The following SLC39A10 variants were observed in gnomAD, a reference collection of about 807,000 sequenced individuals.
SLC39A10 encodes solute carrier family 39 member 10.
In SLC39A10, 13 loss-of-function variants were observed where a neutral mutation model predicts 65.1. The ratio of observed to expected loss-of-function variants is 0.20; its 90% confidence interval spans 0.13 to 0.32. The LOEUF (loss-of-function observed/expected upper bound fraction) is 0.32. Ranked by LOEUF, SLC39A10 falls within the 10% of genes least tolerant of loss-of-function variation. The pLI is 1.00. For missense variants in SLC39A10, 831 were observed against 1,018.4 expected, an observed-to-expected ratio of 0.82 and a Z score of 2.50; for synonymous variants, 321 against 342.2, an observed-to-expected ratio of 0.94 and a Z score of 0.68.
At chr2:195,729,741 A>G (rs370167001) in intron 9 of SLC39A10, among the ~76,000 whole-genome samples, 1 of 151,894 alleles carries the variant, frequency 6.6e-6, no homozygotes, top group African/African-American at 2.4e-5. Context: ...CTTAGTTCCA[A>G]CTTCCCCTTT....
At chr2:195,687,198 G>T (rs1215145538) in intron 3 of SLC39A10, among the ~76,000 whole-genome samples, 1 of 152,120 alleles carries the variant, frequency 6.6e-6, no homozygotes, top group South Asian at 2.1e-4. Context: ...ACTGTGGCAG[G>T]AGAAAGGGGA....
chr2:195,653,269 G>A (rs907218170), upstream of SLC39A10, among the ~76,000 whole-genome samples: 5 of 150,312 alleles, frequency 3.3e-5, no homozygotes, highest in Admixed American at 1.3e-4. Context: ...CTGTTTTAAT[G>A]TTAATACTGG....
At chr2:195,714,000 T>C (rs1334393609) in intron 6 of SLC39A10, among the ~76,000 whole-genome samples, 2 of 151,968 alleles carry the variant, frequency 1.3e-5, no homozygotes, top group African/African-American at 2.4e-5. Flanking sequence ...CATCTCGGCT[T>C]ACTGCAAGCT....
intron 1 of SLC39A10, among the ~76,000 whole-genome samples, chr2:195,666,134 ACT>A (rs1250075141): frequency 2.0e-5 from 3 of 152,128 alleles, no homozygotes; most frequent in Admixed American, 2.0e-4. Flanking sequence ...TGTGGTCAAG[ACT>A]CTATGTTCAA....
intron 1 of SLC39A10, among the ~76,000 whole-genome samples, chr2:195,660,706 G>A (rs1689360344): frequency 6.6e-6 from 1 of 152,138 alleles, no homozygotes; most frequent in African/African-American, 2.4e-5. Context: ...CAATCACCAA[G>A]TTACCTTGCT....
intron 1 of SLC39A10, among the ~76,000 whole-genome samples, chr2:195,670,089 C>G (rs11693907): frequency 0.69 from 105,504 of 151,982 alleles, 37,070 homozygotes; most frequent in Non-Finnish European, 0.73. Flanking sequence ...AACCCTGGAG[C>G]TGGAGGTTGC....
rs34116515 is a variant in SLC39A10 at position 195,690,173 on chromosome 2, G to GAAAA, written c.1216+6290_1216+6293dup. Among the ~76,000 whole-genome samples the GAAAA allele has an allele frequency of 1.0e-3, 62 of 61,130 alleles. 1 individual carries two copies. The highest frequency in any genetic ancestry group is 3.0e-3 in the East Asian group (4 of 1,332). The allele number at this position is 61,130 out of a possible 152,430, so 40.1% of individuals were successfully genotyped here. A position where few individuals can be genotyped will look rare whatever the true frequency, so the allele number is the denominator to read the frequency against. On this transcript the variant is annotated intron_variant, in intron 3 of 9. Transcript: ENST00000359634. ...ACTGGGCAACAGAGTGAGACTCTCT[G>GAAAA]AAAAAAAAAAAAAAAAAAAAAAAAA...
chr2:195,640,432 G>A (rs1383566787), intron 2 of SLC39A10, among the ~76,000 whole-genome samples: 1 of 151,470 alleles, frequency 6.6e-6, no homozygotes, highest in South Asian at 2.1e-4. Context: ...ATGAGGTTGA[G>A]CCAAAGAAAA....
At chr2:195,724,503 AAAGAT>A (rs1444388406) in intron 8 of SLC39A10, among the ~76,000 whole-genome samples, 2 of 152,240 alleles carry the variant, frequency 1.3e-5, no homozygotes, top group Non-Finnish European at 2.9e-5. Context: ...CACTTGATAC[AAAGAT>A]AAGTATACAA....
Position 195,683,817 on chromosome 2 carries a change from G to C in SLC39A10, c.1127G>C (p.Cys376Ser), listed in dbSNP as rs1438566656. 1 of 1,613,234 alleles carries C rather than the reference G, an allele frequency of 6.2e-7. No individual in the cohort carries two copies. Among genetic ancestry groups the C allele is most frequent in the Non-Finnish European group, 8.5e-7 (1 of 1,179,528 alleles). ...TTATATCAAATCGACAGCAGACTTTGTATTGAGCATTTTGACAAACTTTTA... is the reference window on the plus strand; with the variant it reads ...TTATATCAAATCGACAGCAGACTTTCTATTGAGCATTTTGACAAACTTTTA... Reference protein sequence around the residue: ...ALLYQIDSRLCIEHFDKLLVE... With the variant: ...ALLYQIDSRLSIEHFDKLLVE... The change falls in exon 3 of 10, where the codon TGT becomes TCT. Residue 376 changes from cysteine (C) to serine (S), a missense_variant. This residue lies in a region of SLC39A10 where 446 missense variants were observed against 499.2 expected (regional missense o/e 0.89). Transcript: ENST00000359634.
At chr2:195,615,640 G>A (rs544976127) in intron 2 of SLC39A10, among the ~76,000 whole-genome samples, 1 of 152,132 alleles carries the variant, frequency 6.6e-6, no homozygotes, top group Admixed American at 6.5e-5. Flanking sequence ...ATTTATCTCC[G>A]TTTCCTCTTG....
chr2:195,728,080 A>G lies in SLC39A10; in HGVS notation c.2147-79A>G. The G allele has an allele frequency of 7.7e-7, 1 of 1,291,702 alleles. No individual in the cohort carries two copies. The highest frequency in any genetic ancestry group is 1.1e-6 in the Non-Finnish European group (1 of 926,926). The allele number at this position is 1,291,702 out of a possible 1,614,324, so 80.0% of individuals were successfully genotyped here. On this transcript the variant is annotated intron_variant, in intron 8 of 9. Coordinates refer to ENST00000359634, the MANE Select transcript of SLC39A10 (RefSeq NM_020342.3). This position sits in a 1 kb window ranked among gnomAD's most constrained non-coding sequence, Gnocchi z 4.4. ...AAAAGTGTGTATCTTTTTAATGCTGATTTTATTTGTTTTCTCCTTTCAGAT... is the reference window on the plus strand; with the variant it reads ...AAAAGTGTGTATCTTTTTAATGCTGGTTTTATTTGTTTTCTCCTTTCAGAT...
chr2:195,614,699 T>A (rs1408961716), intron 2 of SLC39A10, among the ~76,000 whole-genome samples: 2 of 152,212 alleles, frequency 1.3e-5, no homozygotes, highest in African/African-American at 4.8e-5. Context: ...CTGGGAAGCC[T>A]CAGTTATCTT....
chr2:195,719,476 C>T (rs1242342366), intron 8 of SLC39A10, among the ~76,000 whole-genome samples: 8 of 152,222 alleles, frequency 5.3e-5, no homozygotes, highest in South Asian at 4.1e-4. Context: ...AGACTTGATA[C>T]CTGTCGACTT....
chr2:195,686,285 A>G (rs1051706471), intron 3 of SLC39A10, among the ~76,000 whole-genome samples: 2 of 152,244 alleles, frequency 1.3e-5, no homozygotes, highest in African/African-American at 4.8e-5. Flanking sequence ...CATAAAAAGT[A>G]AAGTCTTCTA....
At chr2:195,713,589 C>CTTT in intron 6 of SLC39A10, 36 bp downstream of exon 6, 3 of 1,224,024 alleles carry the variant, frequency 2.5e-6, no homozygotes, top group Non-Finnish European at 3.3e-6. Context: ...AAACTTTTTT[C>CTTT]TTTTTTTTTT....
upstream of SLC39A10, chr2:195,657,065 T>C (rs1689168303): frequency 1.3e-5 from 2 of 152,318 alleles, no homozygotes; most frequent in South Asian, 2.1e-4. Flanking sequence ...AATAGCTAGG[T>C]GGCGCGTGTA....
At chr2:195,619,587 G>A (rs909561388) in intron 2 of SLC39A10, among the ~76,000 whole-genome samples, 20 of 152,190 alleles carry the variant, frequency 1.3e-4, no homozygotes, top group African/African-American at 2.9e-4. Context: ...TGATGTACAC[G>A]AGGAATGTAC....
At position 195,728,335 on chromosome 2, in the gene SLC39A10, G is replaced by T; in HGVS notation, c.2323G>T (p.Ala775Ser). 6.2e-7 allele frequency: 1 copy of T among 1,612,960 alleles called. No individual in the cohort carries two copies. Among genetic ancestry groups the T allele is most frequent in the Non-Finnish European group, 8.5e-7 (1 of 1,179,376 alleles). ...AVTAGMFLYV[A>S]LVDMLPEMLH... ...CACTGCAGGCATGTTCCTCTATGTAGCCTTGGTGGATATGGTAAGATATTT... is the reference window on the plus strand; with the variant it reads ...CACTGCAGGCATGTTCCTCTATGTATCCTTGGTGGATATGGTAAGATATTT... Residue 775 changes from alanine (A) to serine (S), a missense_variant, in exon 9 of 10, where the codon GCC becomes TCC. Ala to Ser is a moderately conservative substitution (Grantham distance 99). Coordinates refer to ENST00000359634, the MANE Select transcript of SLC39A10 (RefSeq NM_020342.3). This position sits in a 1 kb window ranked among gnomAD's most constrained non-coding sequence, Gnocchi z 4.4.
Sources: allele counts gnomAD v4.1 joint callset (sites outside exome capture counted in the v4.1 genomes callset), GRCh38; gene constraint gnomAD v4.1.1; regional missense constraint gnomAD v4.1.1; non-coding constraint Gnocchi (gnomAD v3.1); transcripts MANE v1.5; gene names NCBI Gene and HGNC (gene_info 2026-07-23, HGNC 2026-07-21).